Variants in OSBPL6 observed in about 807,000 individuals in gnomAD.
The protein encoded by OSBPL6 is oxysterol-binding protein-related protein 6.
OSBPL6 carries 49 observed loss-of-function variants against 125.8 expected under a neutral mutation model. That is an observed-to-expected ratio of 0.39 (90% CI 0.31 to 0.49). The LOEUF is 0.49. OSBPL6 is among the 20% of genes least tolerant of loss of function. The probability of loss-of-function intolerance (pLI) is 0.88; values close to 1 mark genes in which losing one functional copy is unlikely to be tolerated. For missense variants in OSBPL6, 986 were observed against 1,135.4 expected, an observed-to-expected ratio of 0.87 and a Z score of 1.89; for synonymous variants, 394 against 391.8, an observed-to-expected ratio of 1.01 and a Z score of -0.07.
intron 12 of OSBPL6, among the ~76,000 whole-genome samples, chr2:178,350,721 T>C (rs1459188639): frequency 6.6e-6 from 1 of 152,238 alleles, no homozygotes; most frequent in Non-Finnish European, 1.5e-5. Context: ...GCAATATTAA[T>C]TTGTTTATGT....
chr2:178,241,451 T>C (rs1295235004), intron 1 of OSBPL6, among the ~76,000 whole-genome samples: 1 of 149,986 alleles, frequency 6.7e-6, no homozygotes, highest in Non-Finnish European at 1.5e-5. Context: ...GGTCTCATTC[T>C]GTCACCCAGG....
Position 178,390,034 on chromosome 2 carries a change from A to G in OSBPL6, c.2301+881A>G, listed in dbSNP as rs539054625. ...CTAGAACTGAAGAGCCAAGATCACT[A>G]TGTGCTCTGGCTGGGTGATGATGTA... is the stretch of plus-strand genomic sequence containing the variant. On this transcript the variant is annotated intron_variant, in intron 21 of 24. Transcript: ENST00000190611. Among the ~76,000 whole-genome samples the G allele has an allele frequency of 2.6e-5, 4 of 152,266 alleles. No homozygotes were observed. In the East Asian group the frequency reaches 5.8e-4, roughly 22 times the overall value.
chr2:178,388,484 C>T (rs553241612), intron 20 of OSBPL6, among the ~76,000 whole-genome samples: 19 of 152,258 alleles, frequency 1.2e-4, no homozygotes, highest in Admixed American at 5.9e-4. Flanking sequence ...TCCTGCCACC[C>T]GCACTCACCT....
rs115477860 is a variant in OSBPL6 at position 178,401,264 on chromosome 2, C to G, written c.*5705C>G. 6.6e-6 allele frequency: 1 copy of G among 152,206 alleles called. No homozygotes were observed. Among genetic ancestry groups the G allele is most frequent in the Admixed American group, 6.5e-5 (1 of 15,274 alleles). The allele number at this position is 152,206 out of a possible 1,614,324, so 9.4% of individuals were successfully genotyped here. A position where few individuals can be genotyped will look rare whatever the true frequency, so the allele number is the denominator to read the frequency against. ...AAGTAGCCTATGCTGATTTATTTATCATCCCCCCACCCCAACCCCACTTTT... is the reference window on the plus strand; with the variant it reads ...AAGTAGCCTATGCTGATTTATTTATGATCCCCCCACCCCAACCCCACTTTT... On this transcript the variant is annotated 3_prime_UTR_variant, in exon 25 of 25. Transcript: ENST00000190611.
intron 23 of OSBPL6, among the ~76,000 whole-genome samples, chr2:178,392,850 G>T (rs1202367608): frequency 7.0e-6 from 1 of 143,624 alleles, no homozygotes; most frequent in Admixed American, 7.0e-5. Context: ...AACAGAGAGA[G>T]ACCCTGGCAA....
intron 1 of OSBPL6, among the ~76,000 whole-genome samples, chr2:178,205,420 G>A (rs1446647448): frequency 2.0e-5 from 3 of 152,234 alleles, no homozygotes; most frequent in East Asian, 3.9e-4. Context: ...GAGTGATGGG[G>A]GAGAAAGAAG....
chr2:178,353,154 A>G (rs530052796), intron 12 of OSBPL6, among the ~76,000 whole-genome samples: 4 of 152,378 alleles, frequency 2.6e-5, no homozygotes, highest in Admixed American at 6.5e-5. Context: ...AGAGCAGAAA[A>G]GCTGAAAATT....
At chr2:178,281,686 A>G (rs994293455) in intron 1 of OSBPL6, among the ~76,000 whole-genome samples, 2 of 152,046 alleles carry the variant, frequency 1.3e-5, no homozygotes, top group Non-Finnish European at 1.5e-5. Flanking sequence ...ATCCTCAGCA[A>G]ACTAACACAG....
At chr2:178,332,581 C>T in intron 6 of OSBPL6, 60 bp from the exon 7 acceptor site, 1 of 1,233,548 alleles carries the variant, frequency 8.1e-7, no homozygotes, top group Non-Finnish European at 1.2e-6. Flanking sequence ...CACTTAAATA[C>T]AGTACAGAAA....
chr2:178,338,986 A>G lies in OSBPL6; in HGVS notation c.791-5A>G, dbSNP rs774664250. 2.1e-5 allele frequency: 34 copies of G among 1,603,058 alleles called. No individual in the cohort carries two copies. The highest frequency in any genetic ancestry group is 5.1e-5 in the Admixed American group (3 of 58,850). ...AACGTATTTTTATTTCTGATTTCTTATTAGATCTTGCACATTGCCAGTCAA... is the reference window on the plus strand; with the variant it reads ...AACGTATTTTTATTTCTGATTTCTTGTTAGATCTTGCACATTGCCAGTCAA... On this transcript the variant is annotated splice_polypyrimidine_tract_variant and splice_region_variant and intron_variant, in intron 9 of 24. Transcript: ENST00000190611.
intron 6 of OSBPL6, among the ~76,000 whole-genome samples, chr2:178,331,945 C>T (rs1689236048): frequency 6.6e-6 from 1 of 152,192 alleles, no homozygotes; most frequent in Non-Finnish European, 1.5e-5. Flanking sequence ...CTGTTCTTGT[C>T]AATGTCCTTT....
intron 1 of OSBPL6, among the ~76,000 whole-genome samples, chr2:178,235,810 A>C (rs926568562): frequency 6.6e-6 from 1 of 152,074 alleles, no homozygotes; most frequent in Non-Finnish European, 1.5e-5. Flanking sequence ...CCTCTTTTTA[A>C]AATTTTCAAG....
At chr2:178,341,030 GA>G (rs1233809419) in intron 11 of OSBPL6, among the ~76,000 whole-genome samples, 1 of 152,116 alleles carries the variant, frequency 6.6e-6, no homozygotes, top group East Asian at 1.9e-4. Flanking sequence ...GATTTCACAA[GA>G]AAATTACTTA....
At chr2:178,211,397 CTGGATAACCT>C (rs2089853175) in intron 1 of OSBPL6, among the ~76,000 whole-genome samples, 1 of 152,200 alleles carries the variant, frequency 6.6e-6, no homozygotes, top group Non-Finnish European at 1.5e-5. Flanking sequence ...GTTTCAGAGA[CTGGATAACCT>C]TGTGTCCTGG....
At chr2:178,302,246 G>C (rs1343545611) in intron 2 of OSBPL6, among the ~76,000 whole-genome samples, 1 of 152,158 alleles carries the variant, frequency 6.6e-6, no homozygotes, top group African/African-American at 2.4e-5. Flanking sequence ...AGAAAAATTA[G>C]ATGTTCAGCT....
intron 15 of OSBPL6, among the ~76,000 whole-genome samples, chr2:178,379,138 C>T (rs1240357540): frequency 6.6e-6 from 1 of 151,250 alleles, no homozygotes; most frequent in Non-Finnish European, 1.5e-5. Context: ...TACCATTGTA[C>T]TCCAGCCTCG....
intron 2 of OSBPL6, among the ~76,000 whole-genome samples, chr2:178,301,755 A>G (rs527407240): frequency 6.6e-6 from 1 of 152,258 alleles, no homozygotes; most frequent in South Asian, 2.1e-4. Context: ...TACAAGCAAA[A>G]GCTCTAAGAA....
intron 12 of OSBPL6, among the ~76,000 whole-genome samples, chr2:178,354,943 C>T (rs1394477285): frequency 4.6e-5 from 7 of 152,124 alleles, no homozygotes; most frequent in East Asian, 1.9e-4. Flanking sequence ...CACTCAAAAC[C>T]GCACAACTAC....
At position 178,345,632 on chromosome 2, in the gene OSBPL6, A is replaced by G. The variant is rs532201407; in HGVS notation, c.988-3592A>G. On this transcript the variant is annotated intron_variant, in intron 11 of 24. Coordinates refer to ENST00000190611, the MANE Select transcript of OSBPL6 (RefSeq NM_032523.4). The stretch of plus-strand genomic sequence containing the variant: ...GGTAACAGATTCTGACAATAGATGC[A>G]TATATAATCAGTTAAGTATTATTAA... Among the ~76,000 whole-genome samples the G allele has an allele frequency of 1.4e-4, 21 of 152,228 alleles. No individual in the cohort carries two copies. The South Asian group carries it at 2.7e-3, about 20-fold the overall frequency.
Sources: gnomAD v4.1 joint callset for allele counts (sites outside exome capture counted in the v4.1 genomes callset) on GRCh38, gnomAD v4.1.1 for gene constraint, MANE v1.5 for transcripts, NCBI Gene and HGNC (gene_info 2026-07-23, HGNC 2026-07-21) for gene names.